MGAT4C: variants seen among roughly 807,000 people sequenced by gnomAD.
MGAT4C encodes MGAT4 family member C, also known as alpha-1,3-mannosyl-glycoprotein 4-beta-N-acetylglucosaminyltransferase C.
MGAT4C carries 19 observed loss-of-function variants against 40.1 expected under a neutral mutation model. The ratio of observed to expected loss-of-function variants is 0.47; its 90% CI spans 0.33 to 0.70. The LOEUF (loss-of-function observed/expected upper bound fraction) is 0.70, where lower values mean the gene tolerates loss of function less well. Ranked by LOEUF, MGAT4C falls within the 30% of genes least tolerant of loss-of-function variation. MGAT4C has a pLI of 0.02. For synonymous variants in MGAT4C, 181 were observed against 187.1 expected (o/e 0.97, Z 0.27); for missense variants, 491 against 563.2 (o/e 0.87, Z 1.30).
At chr12:86,553,365 C>CT (rs937672921) in intron 2 of MGAT4C, among the ~76,000 whole-genome samples, 1 of 151,910 alleles carries the variant, frequency 6.6e-6, no homozygotes, top group African/African-American at 2.4e-5. Flanking sequence ...AAACTCACAC[C>CT]TACTCTAAAT....
rs547611219 is a variant in MGAT4C, at chr12:86,509,851, A to G, written c.-228-74586T>C. ...GTGAATGGGAGTTCATTCATGATTT[A>G]GCTCTCTGTTTGTCTGCTATTGGTG... On this transcript the variant is annotated intron_variant, in intron 2 of 7. Transcript: ENST00000548651. Among the ~76,000 whole-genome samples the G allele has an allele frequency of 8.9e-3, 1,351 of 152,208 alleles. 8 individuals carry two copies. Among genetic ancestry groups the G allele is most frequent in the Middle Eastern group, 0.017 (5 of 294 alleles).
At chr12:86,623,707 C>A (rs889819331) in intron 2 of MGAT4C, among the ~76,000 whole-genome samples, 5 of 152,000 alleles carry the variant, frequency 3.3e-5, no homozygotes, top group Non-Finnish European at 5.9e-5. Context: ...AGAACATTGG[C>A]AAAATTGTTA....
intron 1 of MGAT4C, among the ~76,000 whole-genome samples, chr12:86,792,760 C>G (rs758465395): frequency 6.6e-6 from 1 of 151,942 alleles, no homozygotes; most frequent in African/African-American, 2.4e-5. Context: ...GGTGAAACCC[C>G]ATTTCCACTA....
intron 2 of MGAT4C, among the ~76,000 whole-genome samples, chr12:86,503,813 T>TATATATA (rs1958419635): frequency 7.8e-6 from 1 of 128,410 alleles, no homozygotes; most frequent in Non-Finnish European, 1.7e-5. Flanking sequence ...TATATATATA[T>TATATATA]GAGTTCTGCT....
rs527701083 is a variant in MGAT4C, at chr12:86,679,549, A to G, written c.-229+47660T>C. Among the ~76,000 whole-genome samples, 4 of 152,092 alleles carry G rather than the reference A, an allele frequency of 2.6e-5. No homozygotes were observed. The East Asian group carries it at 7.8e-4, about 30-fold the overall frequency. On this transcript the variant is annotated intron_variant, in intron 2 of 7. Transcript: ENST00000548651. ...AGTTTGAATGTGCACCCCAAAATTT[A>G]TATGTTAAAATCCTGTCCCCCAAGA...
At chr12:86,819,996 T>G (rs1443524431) in intron 1 of MGAT4C, among the ~76,000 whole-genome samples, 1 of 150,806 alleles carries the variant, frequency 6.6e-6, no homozygotes, top group Non-Finnish European at 1.5e-5. Flanking sequence ...GATTAGGCTA[T>G]AATGGGATAA....
At chr12:86,143,437 A>G (rs1305138809) in intron 1 of MGAT4C, among the ~76,000 whole-genome samples, 1 of 152,186 alleles carries the variant, frequency 6.6e-6, no homozygotes, top group Non-Finnish European at 1.5e-5. Flanking sequence ...TCATGCAGAA[A>G]AAGAGGGAAA....
intron 1 of MGAT4C, among the ~76,000 whole-genome samples, chr12:86,223,305 A>G (rs1950952262): frequency 6.6e-6 from 1 of 152,182 alleles, no homozygotes; most frequent in Non-Finnish European, 1.5e-5. Context: ...TGGCAAGTCC[A>G]CAGGCAGCTC....
At chr12:86,055,075 C>T (rs904403519) in intron 1 of MGAT4C, among the ~76,000 whole-genome samples, 8 of 151,950 alleles carry the variant, frequency 5.3e-5, no homozygotes, top group Non-Finnish European at 1.0e-4. Flanking sequence ...TCCCCAGAGT[C>T]TTGCACACTG....
At chr12:86,226,036 C>T (rs564356642) in intron 1 of MGAT4C, among the ~76,000 whole-genome samples, 21 of 151,452 alleles carry the variant, frequency 1.4e-4, no homozygotes, top group South Asian at 2.1e-4. Context: ...AAAAACAAGG[C>T]GCTTGCATGT....
intron 1 of MGAT4C, among the ~76,000 whole-genome samples, chr12:86,057,133 C>A (rs1393560927): frequency 6.6e-6 from 1 of 151,624 alleles, no homozygotes; most frequent in African/African-American, 2.4e-5. Context: ...TTGCAGATTC[C>A]ATAATAATGT....
chr12:86,755,073 G>A lies in MGAT4C; in HGVS notation c.-261-27832C>T, dbSNP rs371667800. Among the ~76,000 whole-genome samples, 12 of 152,206 alleles carry A rather than the reference G, an allele frequency of 7.9e-5. No homozygotes were observed. The East Asian group carries it at 1.2e-3, about 15-fold the overall frequency. ...CTGTATGTTGCTGTGAAGGCATTGT[G>A]CAGATGTGGCTAAAACCTACAATCA... On this transcript the variant is annotated intron_variant, in intron 1 of 7. Coordinates refer to the MGAT4C transcript ENST00000548651.
At chr12:86,353,149 T>C (rs74971434) in intron 3 of MGAT4C, among the ~76,000 whole-genome samples, 4,079 of 152,150 alleles carry the variant, frequency 0.027, 153 homozygotes, top group African/African-American at 0.086. Flanking sequence ...ATTAATATAA[T>C]TGCCTCTTAA....
intron 2 of MGAT4C, among the ~76,000 whole-genome samples, chr12:86,436,918 A>G (rs1957147779): frequency 6.6e-6 from 1 of 151,788 alleles, no homozygotes; most frequent in Non-Finnish European, 1.5e-5. Flanking sequence ...AGAATTACCT[A>G]TTGATTATTT....
At chr12:86,244,696 T>C (rs1374860301) in intron 1 of MGAT4C, among the ~76,000 whole-genome samples, 2 of 152,022 alleles carry the variant, frequency 1.3e-5, no homozygotes, top group Non-Finnish European at 2.9e-5. Context: ...GTGAAAATGC[T>C]CTATGAGCAC....
In MGAT4C at chr12:86,077,757, A is replaced by T. The variant is rs528100721; in HGVS notation, c.-56-28034T>A. ...TTCCCATTGACCTTAATCACAGGGCACGGTAATAATATGAGATTCCCTAAT... is the reference window on the plus strand; with the variant it reads ...TTCCCATTGACCTTAATCACAGGGCTCGGTAATAATATGAGATTCCCTAAT... On this transcript the variant is annotated intron_variant, in intron 1 of 4. Transcript: ENST00000611864. 1.9e-3 allele frequency among the ~76,000 whole-genome samples: 291 copies of T among 152,276 alleles called. 2 individuals are homozygous for T. Among genetic ancestry groups the T allele is most frequent in the Middle Eastern group, 3.4e-3 (1 of 294 alleles).
intron 1 of MGAT4C, among the ~76,000 whole-genome samples, chr12:86,079,763 T>C (rs1256374648): frequency 3.3e-5 from 5 of 151,158 alleles, no homozygotes; most frequent in Non-Finnish European, 5.9e-5. Context: ...AAATAATATA[T>C]ATAAAATATA....
intron 2 of MGAT4C, among the ~76,000 whole-genome samples, chr12:86,612,556 C>T (rs1962319091): frequency 6.6e-6 from 1 of 151,928 alleles, no homozygotes; most frequent in South Asian, 2.1e-4. Flanking sequence ...TTGAGACCAG[C>T]CTGGCCAACA....
chr12:86,003,777 G>C (rs1257887818), intron 2 of MGAT4C, among the ~76,000 whole-genome samples: 1 of 147,682 alleles, frequency 6.8e-6, no homozygotes, highest in South Asian at 2.1e-4. Flanking sequence ...AAGAAGAAGA[G>C]GGAGAAAGCT....
Sources: allele counts gnomAD v4.1 joint callset (sites outside exome capture counted in the v4.1 genomes callset), GRCh38; gene constraint gnomAD v4.1.1; transcripts MANE v1.5; gene names NCBI Gene and HGNC (gene_info 2026-07-23, HGNC 2026-07-21).